Variants in GRIA4 observed in about 807,000 individuals in gnomAD.
GRIA4 encodes the protein glutamate ionotropic receptor AMPA type subunit 4.
In GRIA4, 34 loss-of-function variants were observed where a neutral mutation model predicts 104.0. That is an observed-to-expected ratio of 0.33 (90% CI 0.25 to 0.44). GRIA4 has a LOEUF of 0.44. GRIA4 is among the 20% of genes least tolerant of loss of function. GRIA4 has a pLI of 1.00. For missense variants in GRIA4, 750 were observed against 1,096.5 expected, an observed-to-expected ratio of 0.68 and a Z score of 4.46; for synonymous variants, 386 against 381.9, an observed-to-expected ratio of 1.01 and a Z score of -0.13.
chr11:105,951,444 A>G (rs1948453484), intron 14 of GRIA4, among the ~76,000 whole-genome samples: 1 of 152,244 alleles, frequency 6.6e-6, no homozygotes, highest in Non-Finnish European at 1.5e-5. Flanking sequence ...TTCACTAGCT[A>G]GGCATGGTCT....
chr11:105,631,885 TAATCTTGAATG>T (rs1205542540), intron 3 of GRIA4, among the ~76,000 whole-genome samples: 1 of 152,134 alleles, frequency 6.6e-6, no homozygotes, highest in Non-Finnish European at 1.5e-5. Context: ...AAGTGGAGTT[TAATCTTGAATG>T]AATGAGGAGG....
intron 3 of GRIA4, among the ~76,000 whole-genome samples, chr11:105,729,931 T>G (rs112615278): frequency 6.6e-6 from 1 of 152,150 alleles, no homozygotes; most frequent in African/African-American, 2.4e-5. Flanking sequence ...TCATACTGAG[T>G]GGGCAAAAGC....
intron 5 of GRIA4, among the ~76,000 whole-genome samples, chr11:105,880,485 C>T (rs1351333961): frequency 3.3e-5 from 5 of 152,138 alleles, no homozygotes; most frequent in African/African-American, 1.2e-4. Context: ...GGACCCTATC[C>T]AAACCATATC....
chr11:105,859,401 G>A (rs1465700181), intron 4 of GRIA4, among the ~76,000 whole-genome samples: 2 of 152,174 alleles, frequency 1.3e-5, no homozygotes, highest in East Asian at 3.9e-4. Flanking sequence ...GGTTCTGTCT[G>A]ATTCCAATTC....
At chr11:105,849,515 C>A (rs1944721225) in intron 4 of GRIA4, among the ~76,000 whole-genome samples, 3 of 152,164 alleles carry the variant, frequency 2.0e-5, no homozygotes, top group Admixed American at 1.3e-4. Context: ...ATTGAGGCAT[C>A]AATTGGAGTG....
chr11:105,794,473 G>GTATGTGTA (rs1360490604), intron 4 of GRIA4, among the ~76,000 whole-genome samples: 3 of 43,920 alleles, frequency 6.8e-5, no homozygotes, highest in South Asian at 7.9e-4. Context: ...GTATATGTAT[G>GTATGTGTA]TATATATATA....
chr11:105,612,606 TG>T, intron 3 of GRIA4, 172 bp downstream of exon 3: 7 of 395,560 alleles, frequency 1.8e-5, no homozygotes, highest in Admixed American at 7.3e-5. Flanking sequence ...GATATTTAGT[TG>T]TTTTTTTTTT....
intron 4 of GRIA4, among the ~76,000 whole-genome samples, chr11:105,765,240 G>T (rs527292539): frequency 6.6e-6 from 1 of 152,240 alleles, no homozygotes; most frequent in South Asian, 2.1e-4. Flanking sequence ...AACAGATAAA[G>T]AAATAATCAG....
chr11:105,866,536 T>G (rs1159181599), intron 5 of GRIA4, among the ~76,000 whole-genome samples: 39 of 70,554 alleles, frequency 5.5e-4, no homozygotes, highest in African/African-American at 2.1e-3. Flanking sequence ...TATACGCATA[T>G]GTGTGTGTGT....
intron 4 of GRIA4, among the ~76,000 whole-genome samples, chr11:105,813,882 G>C: frequency 6.6e-6 from 1 of 152,136 alleles, no homozygotes; most frequent in African/African-American, 2.4e-5. Context: ...GACAAACTCT[G>C]TCTCATGAGA....
At chr11:105,965,661 T>G (rs1858324484) in intron 14 of GRIA4, among the ~76,000 whole-genome samples, 1 of 112,758 alleles carries the variant, frequency 8.9e-6, no homozygotes, top group African/African-American at 3.5e-5. Flanking sequence ...TAAATTCCCG[T>G]TTATTACTGT....
intron 14 of GRIA4, among the ~76,000 whole-genome samples, chr11:105,947,424 T>C (rs574107084): frequency 1.3e-5 from 2 of 152,356 alleles, no homozygotes; most frequent in African/African-American, 4.8e-5. Flanking sequence ...TAGAATTTGA[T>C]GTTTACATGG....
chr11:105,972,032 A>T lies in GRIA4; in HGVS notation c.2409+4A>T. On this transcript the variant is annotated splice_donor_region_variant and intron_variant, in intron 15 of 16. Transcript: ENST00000282499. ...ACCCAAGGACTCTGGAAGCAAGGTCAGTCGCTGCAGTTCGGGGCCTCCTCT... is the reference window on the plus strand; with the variant it reads ...ACCCAAGGACTCTGGAAGCAAGGTCTGTCGCTGCAGTTCGGGGCCTCCTCT... The T allele has an allele frequency of 6.4e-7, 1 of 1,570,848 alleles. No individual in the cohort carries two copies. Among genetic ancestry groups the T allele is most frequent in the South Asian group, 1.1e-5 (1 of 90,192 alleles).
intron 14 of GRIA4, among the ~76,000 whole-genome samples, chr11:105,966,500 A>G (rs1858375994): frequency 6.6e-6 from 1 of 152,088 alleles, no homozygotes; most frequent in South Asian, 2.1e-4. Flanking sequence ...AGACCTGTCT[A>G]GGGTGCCCAC....
At chr11:105,912,704 C>T (rs904370237) in intron 10 of GRIA4, 10 of 944,220 alleles carry the variant, frequency 1.1e-5, no homozygotes, top group Non-Finnish European at 1.3e-5. Flanking sequence ...ACTGCATAAT[C>T]GTTCAGTAAT....
At position 105,733,207 on chromosome 11, in the gene GRIA4, C is replaced by T. The variant is rs1208832127; in HGVS notation, c.248-19774C>T. On this transcript the variant is annotated intron_variant, in intron 3 of 16. Transcript: ENST00000282499. ...CACAAAGTTAAGAAAATAATTATAA[C>T]CAATGTTATCTTTAATATCGCACTA... 2.6e-5 allele frequency among the ~76,000 whole-genome samples: 4 copies of T among 152,102 alleles called. No homozygotes were observed. In the East Asian group the frequency reaches 7.7e-4, roughly 29 times the overall value.
chr11:105,944,752 GC>G (rs1372451533), intron 14 of GRIA4, among the ~76,000 whole-genome samples: 1 of 151,928 alleles, frequency 6.6e-6, no homozygotes, highest in Non-Finnish European at 1.5e-5. Flanking sequence ...TGGAACTGGA[GC>G]CCATTACTGC....
At chr11:105,756,772 C>G (rs1045271851) in intron 4 of GRIA4, among the ~76,000 whole-genome samples, 1 of 151,080 alleles carries the variant, frequency 6.6e-6, no homozygotes, top group South Asian at 2.1e-4. Context: ...AAAAAAAAAT[C>G]TCATCAAGAT....
intron 3 of GRIA4, among the ~76,000 whole-genome samples, chr11:105,739,083 T>C (rs961978529): frequency 5.3e-5 from 8 of 152,108 alleles, no homozygotes; most frequent in Admixed American, 2.6e-4. Context: ...GGATTAGTAG[T>C]ATAAAAGAGT....
Sources: allele counts gnomAD v4.1 joint callset (sites outside exome capture counted in the v4.1 genomes callset), GRCh38; gene constraint gnomAD v4.1.1; transcripts MANE v1.5; gene names NCBI Gene and HGNC (gene_info 2026-07-23, HGNC 2026-07-21).